The following DPP6 variants were observed in gnomAD, a reference collection of about 807,000 sequenced individuals.
DPP6 encodes the protein dipeptidyl peptidase like 6, also known as A-type potassium channel modulatory protein DPP6.
In DPP6, 69 loss-of-function variants were observed where a neutral mutation model predicts 122.6. The ratio of observed to expected loss-of-function variants is 0.56; its 90% CI spans 0.46 to 0.69. DPP6 has a LOEUF of 0.69. DPP6 is among the 30% of genes least tolerant of loss of function. The pLI is 0.00. For missense variants in DPP6, 928 were observed against 1,116.9 expected, an observed-to-expected ratio of 0.83 and a Z score of 2.41; for synonymous variants, 418 against 433.1, an observed-to-expected ratio of 0.97 and a Z score of 0.43.
chr7:154,759,997 C>A (rs1795428808), intron 8 of DPP6, among the ~76,000 whole-genome samples: 2 of 152,176 alleles, frequency 1.3e-5, no homozygotes, highest in South Asian at 4.1e-4. Flanking sequence ...GTGGTGCACA[C>A]CTGTAGTCCC....
Position 154,241,138 on chromosome 7 carries a change from G to T in DPP6, c.243+188075G>T, listed in dbSNP as rs1010519855. Reference sequence around the variant, plus strand: ...CATACTGCTTTGCACCAATGATTGGGCACAAATATAAACATATTGCTGCAC... The same window carrying T: ...CATACTGCTTTGCACCAATGATTGGTCACAAATATAAACATATTGCTGCAC... On this transcript the variant is annotated intron_variant, in intron 1 of 25. Coordinates refer to ENST00000377770, the MANE Select transcript of DPP6 (RefSeq NM_130797.4). The surrounding 1 kb of genome is among the most constrained non-coding windows in gnomAD (Gnocchi z 9.0). 6.7e-6 allele frequency among the ~76,000 whole-genome samples: 1 copy of T among 149,226 alleles called. No homozygotes were observed. The highest frequency in any genetic ancestry group is 2.5e-5 in the African/African-American group (1 of 40,534).
At chr7:154,266,006 G>A (rs1253870080) in intron 1 of DPP6, among the ~76,000 whole-genome samples, 1 of 152,150 alleles carries the variant, frequency 6.6e-6, no homozygotes, top group East Asian at 1.9e-4. Context: ...AGCAAACCAT[G>A]GTGAGACATT....
rs577294303 is a variant in DPP6 at position 154,185,318 on chromosome 7, C to CT, written c.243+132263dup. Among the ~76,000 whole-genome samples the CT allele has an allele frequency of 1.4e-4, 21 of 152,024 alleles. No homozygotes were observed. In the East Asian group the frequency reaches 3.5e-3, roughly 25 times the overall value. ...AGTAAAACCTCTTGGGAATTCATTGCTTTTTTTTCAGTTGTCAGAAGCTAG... is the reference window on the plus strand; with the variant it reads ...AGTAAAACCTCTTGGGAATTCATTGCTTTTTTTTTCAGTTGTCAGAAGCTAG... On this transcript the variant is annotated intron_variant, in intron 1 of 25. Coordinates refer to ENST00000377770, the MANE Select transcript of DPP6 (RefSeq NM_130797.4).
chr7:154,148,274 A>C (rs186602982), intron 1 of DPP6, among the ~76,000 whole-genome samples: 2,256 of 121,534 alleles, frequency 0.019, 67 homozygotes, highest in African/African-American at 0.063. Flanking sequence ...CCGCCCGGGG[A>C]CGGTGAGGGA....
At position 154,801,439 on chromosome 7, in the gene DPP6, C is replaced by G; in HGVS notation, c.1384C>G (p.His462Asp). The G allele has an allele frequency of 6.3e-7, 1 of 1,589,740 alleles. No individual in the cohort carries two copies. The stretch of plus-strand genomic sequence containing the variant: ...CCAGGGAGGACGAGGGAAATTCTAT[C>G]ACATCACGGTGTCCTCGTCCCAGGT... ...IPQGGRGKFY[H>D]ITVSSSQPNS... The change falls in exon 13 of 26, where the codon CAC (histidine) becomes GAC (aspartate). Residue 462 changes from histidine (H) to aspartate (D), a missense_variant. By Grantham distance (81) the His-to-Asp change is moderately conservative. Transcript: ENST00000377770.
intron 1 of DPP6, among the ~76,000 whole-genome samples, chr7:154,377,578 T>A (rs1813235021): frequency 1.3e-5 from 2 of 152,188 alleles, no homozygotes; most frequent in African/African-American, 4.8e-5. Flanking sequence ...CTCCTGATAG[T>A]GAATGAGTTC....
At chr7:154,002,585 C>T (rs983604169) in intron 1 of DPP6, among the ~76,000 whole-genome samples, 7 of 152,102 alleles carry the variant, frequency 4.6e-5, no homozygotes, top group Admixed American at 3.9e-4. Context: ...TCAGTGAGTG[C>T]AGATAGGAGA....
chr7:153,863,807 G>A, the DPP6 span, among the ~76,000 whole-genome samples: 8 of 151,842 alleles, frequency 5.3e-5, no homozygotes, highest in East Asian at 1.9e-4. Context: ...TGCACGTTTC[G>A]TATAAAAGGA....
chr7:154,002,476 AT>A (rs1194058501), intron 1 of DPP6, among the ~76,000 whole-genome samples: 1 of 152,232 alleles, frequency 6.6e-6, no homozygotes, highest in Non-Finnish European at 1.5e-5. Context: ...GCTATGTCTC[AT>A]TCATTATTGT....
rs957418863 is a variant in DPP6 at position 154,092,658 on chromosome 7, G to A, written c.243+39595G>A. ...CACGTGATATCAGTGTGTCCTGCTG[G>A]CGATGGTCATTTTGATCTCTTGTTT... is the stretch of plus-strand genomic sequence containing the variant. On this transcript the variant is annotated intron_variant, in intron 1 of 25. Transcript: ENST00000377770. The A allele has an allele frequency of 1.8e-4, 28 of 152,174 alleles. 1 individual carries two copies. The highest frequency in any genetic ancestry group is 5.9e-5 in the Non-Finnish European group (4 of 68,024). 9.4% of individuals were successfully genotyped at this position (152,174 alleles called of 1,614,324 possible). A position where few individuals can be genotyped will look rare whatever the true frequency, so the allele number is the denominator to read the frequency against.
intron 1 of DPP6, among the ~76,000 whole-genome samples, chr7:153,908,656 C>T: frequency 6.6e-6 from 1 of 152,200 alleles, no homozygotes; most frequent in East Asian, 1.9e-4. Context: ...TCAAGGATTT[C>T]ATTATACGAT....
rs538417461 is a variant in DPP6, at chr7:154,082,658, C to T, written c.243+29595C>T. Among the ~76,000 whole-genome samples the T allele has an allele frequency of 1.4e-3, 218 of 151,990 alleles. 4 individuals are homozygous for T. The highest frequency in any genetic ancestry group is 2.4e-4 in the Non-Finnish European group (16 of 67,982). The stretch of plus-strand genomic sequence containing the variant: ...CACCGCCTGTGGACCCTCACCCCTT[C>T]CTCCACTGTCAGAGGCAGCATAATG... On this transcript the variant is annotated intron_variant, in intron 1 of 25. Coordinates refer to ENST00000377770, the MANE Select transcript of DPP6 (RefSeq NM_130797.4).
chr7:154,701,560 G>A (rs889660975), intron 7 of DPP6, among the ~76,000 whole-genome samples: 3 of 152,214 alleles, frequency 2.0e-5, no homozygotes, highest in Non-Finnish European at 4.4e-5. Flanking sequence ...TGAGTGCACT[G>A]TGAATTAGCG....
chr7:154,705,667 G>A (rs1046196843), intron 7 of DPP6, among the ~76,000 whole-genome samples: 1 of 152,216 alleles, frequency 6.6e-6, no homozygotes, highest in Non-Finnish European at 1.5e-5. Context: ...CATTGTGGGG[G>A]CCAGGGCTCC....
chr7:154,158,966 C>T (rs1353291583), intron 1 of DPP6, among the ~76,000 whole-genome samples: 1 of 151,698 alleles, frequency 6.6e-6, no homozygotes, highest in Non-Finnish European at 1.5e-5. Flanking sequence ...AGAGCCTCCT[C>T]CCATTCCCCG....
At chr7:154,372,461 C>A (rs906503679) in intron 1 of DPP6, among the ~76,000 whole-genome samples, 18 of 152,182 alleles carry the variant, frequency 1.2e-4, no homozygotes, top group Non-Finnish European at 2.2e-4. Context: ...TGTGCCTGGC[C>A]GTGCGTGGGC....
chr7:154,641,560 T>G (rs1836091326), intron 6 of DPP6, among the ~76,000 whole-genome samples: 1 of 152,200 alleles, frequency 6.6e-6, no homozygotes, highest in African/African-American at 2.4e-5. Flanking sequence ...TTTATATTTT[T>G]TAGGGTCTAA....
At chr7:154,882,472 C>T (rs1805463967) in intron 21 of DPP6, among the ~76,000 whole-genome samples, 1 of 152,212 alleles carries the variant, frequency 6.6e-6, no homozygotes, top group African/African-American at 2.4e-5. Context: ...AGCGTCAATC[C>T]TTTTAGTGGC....
chr7:154,529,751 A>G (rs1827690570), intron 3 of DPP6, among the ~76,000 whole-genome samples: 1 of 152,222 alleles, frequency 6.6e-6, no homozygotes, highest in Non-Finnish European at 1.5e-5. Flanking sequence ...AGAACAATAA[A>G]AATTCTGAAA....
Sources: allele counts gnomAD v4.1 joint callset (sites outside exome capture counted in the v4.1 genomes callset), GRCh38; gene constraint gnomAD v4.1.1; non-coding constraint Gnocchi (gnomAD v3.1); transcripts MANE v1.5; gene names NCBI Gene and HGNC (gene_info 2026-07-23, HGNC 2026-07-21).